The following ZSWIM3 variants were observed in gnomAD, a reference collection of about 807,000 sequenced individuals.
ZSWIM3 encodes zinc finger SWIM domain-containing protein 3.
Under a neutral mutation model 47.5 loss-of-function variants are expected in ZSWIM3, and 27 were observed. The ratio of observed to expected loss-of-function variants is 0.57; its 90% CI spans 0.42 to 0.78. The LOEUF (loss-of-function observed/expected upper bound fraction) is 0.78, where lower values mean the gene tolerates loss of function less well. Among genes scored for constraint, ZSWIM3 ranks in the 30% least tolerant of loss-of-function variants. The probability of loss-of-function intolerance (pLI) is 0.00; values close to 1 mark genes in which losing one functional copy is unlikely to be tolerated. For missense variants in ZSWIM3, 689 were observed against 861.3 expected (o/e 0.80, Z 2.50); for synonymous variants, 333 against 333.9 (o/e 1.00, Z 0.03).
chr20:45,862,577 T>C (rs552685664), intron 1 of ZSWIM3, among the ~76,000 whole-genome samples: 5 of 152,166 alleles, frequency 3.3e-5, no homozygotes. Context: ...CTGCAACCTC[T>C]GCCTCCCGGG....
At chr20:45,858,122 TG>T in intron 1 of ZSWIM3, 142 bp downstream of exon 1, 1 of 889,738 alleles carries the variant, frequency 1.1e-6, no homozygotes, top group South Asian at 1.7e-5. Flanking sequence ...GAGCACCTGC[TG>T]TGTGCCTTGT....
At chr20:45,873,379 C>T (rs1434330884) in intron 1 of ZSWIM3, among the ~76,000 whole-genome samples, 1 of 151,812 alleles carries the variant, frequency 6.6e-6, no homozygotes, top group Non-Finnish European at 1.5e-5. Flanking sequence ...CCAGCCTGGG[C>T]AACAAGAGTG....
rs776950887 is a variant in ZSWIM3, at chr20:45,857,904, T to G, written c.79T>G (p.Ser27Ala). The G allele has an allele frequency of 6.2e-7, 1 of 1,609,762 alleles. No homozygotes were observed. Among genetic ancestry groups the G allele is most frequent in the Non-Finnish European group, 8.5e-7 (1 of 1,178,992 alleles). ...CGCCTACAAAAGGGAGAACAGGTGCTCCTTCATTCTCAGGGACTGCGTCTC... is the reference window on the plus strand; with the variant it reads ...CGCCTACAAAAGGGAGAACAGGTGCGCCTTCATTCTCAGGGACTGCGTCTC... ...FSAYKRENRC[S>A]FILRDCVSVR... The change falls in exon 1 of 2, where the codon TCC (serine) becomes GCC (alanine). Residue 27 changes from serine (S) to alanine (A), a missense_variant. Physicochemically the swap from Ser to Ala is moderately conservative, Grantham distance 99. Transcript: ENST00000255152.
intron 1 of ZSWIM3, among the ~76,000 whole-genome samples, chr20:45,861,277 ATAG>A (rs1420404852): frequency 6.6e-6 from 1 of 152,152 alleles, no homozygotes; most frequent in African/African-American, 2.4e-5. Context: ...GTAGCCAGGC[ATAG>A]TGGTGTGTGC....
At chr20:45,872,898 T>C in intron 1 of ZSWIM3, 5 of 1,191,120 alleles carry the variant, frequency 4.2e-6, no homozygotes, top group East Asian at 6.5e-5. Context: ...TTCCCAAGCT[T>C]GCCCCACAGG....
At position 45,878,687 on chromosome 20, in the gene ZSWIM3, C is replaced by T; in HGVS notation, c.*38C>T. The T allele has an allele frequency of 6.4e-7, 1 of 1,565,758 alleles. No homozygotes were observed. The highest frequency in any genetic ancestry group is 8.7e-7 in the Non-Finnish European group (1 of 1,153,742). ...GAAGCATTGGACCACAAACACTTCT[C>T]CTTGGAAGTGTGAGAGTTTAAAGTG... On this transcript the variant is annotated 3_prime_UTR_variant, in exon 2 of 2. Transcript: ENST00000255152.
intron 1 of ZSWIM3, 147 bp downstream of exon 1, chr20:45,858,127 G>A: frequency 3.5e-6 from 3 of 869,492 alleles, no homozygotes; most frequent in Non-Finnish European, 5.2e-6. Context: ...CCTGCTGTGT[G>A]CCTTGTGAAG....
intron 1 of ZSWIM3, among the ~76,000 whole-genome samples, chr20:45,862,201 G>A (rs970990545): frequency 2.1e-4 from 31 of 149,228 alleles, no homozygotes; most frequent in African/African-American, 7.4e-4. Flanking sequence ...AGGCTGGAGT[G>A]CAGTGGCGCG....
Position 45,876,854 on chromosome 20 carries a change from A to G in ZSWIM3, c.296A>G (p.Gln99Arg). The G allele has an allele frequency of 1.2e-6, 2 of 1,614,202 alleles. No individual in the cohort carries two copies. The highest frequency in any genetic ancestry group is 8.5e-7 in the Non-Finnish European group (1 of 1,180,030). Reference protein sequence around the residue: ...DRLFISELNTQHIHGDSKVAS... With the variant: ...DRLFISELNTRHIHGDSKVAS... ...CTATTTATCAGTGAACTAAACACAC[A>G]GCACATACATGGTGACTCTAAAGTG... Residue 99 changes from glutamine (Q) to arginine (R), a missense_variant, in exon 2 of 2, where the codon CAG (glutamine) becomes CGG (arginine). Gln to Arg is a conservative substitution (Grantham distance 43, BLOSUM62 1). Coordinates refer to ENST00000255152, the MANE Select transcript of ZSWIM3 (RefSeq NM_080752.4).
At chr20:45,867,512 T>C (rs1298670299) in intron 1 of ZSWIM3, among the ~76,000 whole-genome samples, 1 of 152,200 alleles carries the variant, frequency 6.6e-6, no homozygotes, top group Non-Finnish European at 1.5e-5. Flanking sequence ...TTTACTGAAT[T>C]ATGCTGACAA....
intron 1 of ZSWIM3, among the ~76,000 whole-genome samples, chr20:45,874,706 A>T (rs1986049607): frequency 6.6e-6 from 1 of 152,192 alleles, no homozygotes. Context: ...CAATGGGGAC[A>T]TTTTAAACGG....
chr20:45,862,940 G>A (rs530221572), intron 1 of ZSWIM3, among the ~76,000 whole-genome samples: 8 of 152,162 alleles, frequency 5.3e-5, no homozygotes, highest in African/African-American at 1.9e-4. Flanking sequence ...CTGGCCCACT[G>A]CATTATTATA....
chr20:45,866,179 A>G (rs1985838187), intron 1 of ZSWIM3, among the ~76,000 whole-genome samples: 1 of 151,550 alleles, frequency 6.6e-6, no homozygotes, highest in Non-Finnish European at 1.5e-5. Flanking sequence ...GTGGGCACCT[A>G]TAATCCCAGC....
chr20:45,870,820 A>G (rs556616536), intron 1 of ZSWIM3, among the ~76,000 whole-genome samples: 327 of 152,056 alleles, frequency 2.2e-3, no homozygotes, highest in African/African-American at 7.7e-3. Flanking sequence ...CAGCCACCCG[A>G]GTAGCTGAGA....
intron 1 of ZSWIM3, among the ~76,000 whole-genome samples, chr20:45,865,853 C>T (rs561339950): frequency 1.3e-5 from 2 of 151,668 alleles, no homozygotes; most frequent in Admixed American, 6.6e-5. Context: ...ATTAGCTGGG[C>T]GTGGTGGCAG....
intron 1 of ZSWIM3, among the ~76,000 whole-genome samples, chr20:45,870,854 C>T (rs574725450): frequency 2.6e-5 from 4 of 152,004 alleles, no homozygotes; most frequent in South Asian, 4.2e-4. Context: ...CCAGCATGCC[C>T]GGCTAATTTT....
chr20:45,862,469 T>C (rs1164718252), intron 1 of ZSWIM3, among the ~76,000 whole-genome samples: 2 of 151,754 alleles, frequency 1.3e-5, no homozygotes, highest in African/African-American at 4.9e-5. Flanking sequence ...TCTATTTATT[T>C]ATTTCATTTT....
At chr20:45,863,491 A>AT (rs1985761027) in intron 1 of ZSWIM3, among the ~76,000 whole-genome samples, 1 of 152,196 alleles carries the variant, frequency 6.6e-6, no homozygotes, top group Non-Finnish European at 1.5e-5. Context: ...CAGCCCTGAG[A>AT]TTTTGCAGAT....
Position 45,877,116 on chromosome 20 carries a change from G to A in ZSWIM3, c.558G>A (p.Glu186=). 1 of 1,614,196 alleles carries A rather than the reference G, an allele frequency of 6.2e-7. No homozygotes were observed. Among genetic ancestry groups the A allele is most frequent in the Non-Finnish European group, 8.5e-7 (1 of 1,180,036 alleles). The change falls in exon 2 of 2, where the codon GAG becomes GAA. Residue 186 remains glutamate, a synonymous_variant. Transcript: ENST00000255152. Reference sequence around the variant, plus strand: ...TGAAGAACTTTCTTAAGGTAGATGAGGGTTCCATGGCTTCCTTCAGTGTGG... The same window carrying A: ...TGAAGAACTTTCTTAAGGTAGATGAAGGTTCCATGGCTTCCTTCAGTGTGG... The part of the protein sequence containing the change: ...KVMKNFLKVD[E]GSMASFSVGD...
Sources: gnomAD v4.1 joint callset for allele counts (sites outside exome capture counted in the v4.1 genomes callset) on GRCh38, gnomAD v4.1.1 for gene constraint, MANE v1.5 for transcripts, NCBI Gene and HGNC (gene_info 2026-07-23, HGNC 2026-07-21) for gene names.